PLAAT1: variants seen among roughly 807,000 people sequenced by gnomAD.
PLAAT1 encodes phospholipase A and acyltransferase 1, also known as H-REV107 protein-related protein.
Under a neutral mutation model 16.4 loss-of-function variants are expected in PLAAT1, and 13 were observed. The ratio of observed to expected loss-of-function variants is 0.79; its 90% CI spans 0.52 to 1.26. The LOEUF is 1.26. Ranked by LOEUF, PLAAT1 falls within the 50% of genes most tolerant of loss-of-function variation. PLAAT1 has a pLI of 0.00. For synonymous variants in PLAAT1, 73 were observed against 78.4 expected (o/e 0.93, Z 0.36); for missense variants, 218 against 207.8 (o/e 1.05, Z -0.30).
At chr3:193,252,897 T>C (rs1716242994) in intron 1 of PLAAT1, among the ~76,000 whole-genome samples, 1 of 151,928 alleles carries the variant, frequency 6.6e-6, no homozygotes, top group South Asian at 2.1e-4. Flanking sequence ...TAGGACTAGA[T>C]GGGTATCATT....
At chr3:193,255,210 T>C (rs183325687) in intron 1 of PLAAT1, among the ~76,000 whole-genome samples, 8 of 152,346 alleles carry the variant, frequency 5.3e-5, no homozygotes, top group Non-Finnish European at 1.5e-5. Context: ...AGTATAGTCA[T>C]AGACTGAACA....
downstream of PLAAT1, among the ~76,000 whole-genome samples, chr3:193,273,352 C>T (rs536152761): frequency 1.3e-5 from 2 of 152,072 alleles, no homozygotes; most frequent in Admixed American, 6.5e-5. Context: ...TTATTACTCT[C>T]CAGAGAGCTG....
chr3:193,252,753 A>G (rs1415886309), intron 1 of PLAAT1, among the ~76,000 whole-genome samples: 2 of 152,114 alleles, frequency 1.3e-5, no homozygotes, highest in Non-Finnish European at 2.9e-5. Context: ...AGGTTTGTTT[A>G]TTTGTTTGTC....
intron 1 of PLAAT1, among the ~76,000 whole-genome samples, chr3:193,254,947 A>G (rs899079715): frequency 6.6e-6 from 1 of 152,216 alleles, no homozygotes; most frequent in Non-Finnish European, 1.5e-5. Flanking sequence ...CTGGCTGGAC[A>G]TCCATCTGAG....
chr3:193,257,891 G>C (rs1716437366), intron 2 of PLAAT1, among the ~76,000 whole-genome samples: 1 of 152,116 alleles, frequency 6.6e-6, no homozygotes, highest in South Asian at 2.1e-4. Flanking sequence ...TTGAACATCC[G>C]ACTCCAAGTT....
At chr3:193,260,335 C>G (rs1716539346) in intron 2 of PLAAT1, among the ~76,000 whole-genome samples, 1 of 152,056 alleles carries the variant, frequency 6.6e-6, no homozygotes, top group African/African-American at 2.4e-5. Flanking sequence ...TGAATTGCAA[C>G]AAGAACAAAA....
chr3:193,266,769 G>T (rs1001828965), intron 3 of PLAAT1, among the ~76,000 whole-genome samples: 36 of 152,238 alleles, frequency 2.4e-4, no homozygotes, highest in Middle Eastern at 3.4e-3. Context: ...GAATTTTATA[G>T]ATCGTTGTTA....
At chr3:193,257,450 C>G (rs1021403780) in intron 2 of PLAAT1, among the ~76,000 whole-genome samples, 2 of 152,158 alleles carry the variant, frequency 1.3e-5, no homozygotes, top group Admixed American at 1.3e-4. Flanking sequence ...AAAGATTAAC[C>G]ACATGCTTAG....
At chr3:193,279,075 G>C (rs898077755), downstream of PLAAT1, among the ~76,000 whole-genome samples, 24 of 151,946 alleles carry the variant, frequency 1.6e-4, 2 homozygotes, top group Admixed American at 9.2e-4. Context: ...GAAAATTATT[G>C]TATTATTGCA....
In PLAAT1 at chr3:193,263,211, C is replaced by CT. The variant is rs1489884320; in HGVS notation, c.382dup (p.Tyr128LeufsTer17). On this transcript the variant is annotated frameshift_variant, in exon 3 of 4. Transcript: ENST00000264735. LOFTEE classifies it high-confidence loss of function. ...GTGAACATTTTGTGACATTGCTTCG[C>CT]TATGGAGAAGGAGTTTCAGAGCAGG... is the stretch of plus-strand genomic sequence containing the variant. 6.2e-7 allele frequency: 1 copy of CT among 1,614,014 alleles called. No individual in the cohort carries two copies. The highest frequency in any genetic ancestry group is 8.5e-7 in the Non-Finnish European group (1 of 1,179,928).
downstream of PLAAT1, chr3:193,279,577 T>C: frequency 1.4e-6 from 1 of 693,784 alleles, no homozygotes; most frequent in South Asian, 1.7e-5. Context: ...TGTTTTGATA[T>C]ATCCTCATAT....
chr3:193,265,821 T>A (rs1257560779), intron 3 of PLAAT1, among the ~76,000 whole-genome samples: 1 of 152,048 alleles, frequency 6.6e-6, no homozygotes, highest in African/African-American at 2.4e-5. Context: ...ACATAGAGGG[T>A]ACACACAAAT....
At chr3:193,249,623 C>T (rs1238020868) in intron 1 of PLAAT1, among the ~76,000 whole-genome samples, 1 of 152,066 alleles carries the variant, frequency 6.6e-6, no homozygotes, top group African/African-American at 2.4e-5. Context: ...TCTTGTACAA[C>T]AATAATTCAC....
intron 1 of PLAAT1, among the ~76,000 whole-genome samples, chr3:193,244,773 CCTTG>C (rs1715917507): frequency 6.6e-6 from 1 of 152,062 alleles, no homozygotes; most frequent in African/African-American, 2.4e-5. Flanking sequence ...GAGTATGCTA[CCTTG>C]CTAGCTTAGG....
downstream of PLAAT1, among the ~76,000 whole-genome samples, chr3:193,272,519 T>G (rs899131777): frequency 1.3e-5 from 2 of 152,148 alleles, no homozygotes; most frequent in African/African-American, 2.4e-5. Context: ...GGCAGTAGCA[T>G]AATGTGTTAC....
intron 2 of PLAAT1, chr3:193,277,514 C>T (rs1717276409): frequency 6.6e-6 from 1 of 152,256 alleles, no homozygotes; most frequent in African/African-American, 2.4e-5. Context: ...GCGTGTGGGA[C>T]TGAACTCCCT....
intron 3 of PLAAT1, among the ~76,000 whole-genome samples, chr3:193,268,704 A>G (rs1161336135): frequency 6.6e-6 from 1 of 152,200 alleles, no homozygotes; most frequent in African/African-American, 2.4e-5. Flanking sequence ...TTAAAGTGGC[A>G]CTGCTTAAAG....
At chr3:193,280,394 A>C (rs182165293), downstream of PLAAT1, among the ~76,000 whole-genome samples, 71 of 152,250 alleles carry the variant, frequency 4.7e-4, no homozygotes, top group African/African-American at 1.7e-3. Flanking sequence ...TCCTCTTCAA[A>C]GAGTAATACT....
In PLAAT1 at chr3:193,264,161, C is replaced by T. The variant is rs183780202; in HGVS notation, c.405+926C>T. 1.4e-3 allele frequency among the ~76,000 whole-genome samples: 210 copies of T among 152,232 alleles called. 2 individuals are homozygous for T. Among genetic ancestry groups the T allele is most frequent in the Admixed American group, 2.9e-3 (45 of 15,288 alleles). On this transcript the variant is annotated intron_variant, in intron 3 of 3. Coordinates refer to ENST00000264735, the MANE Select transcript of PLAAT1 (RefSeq NM_020386.5). ...AATAATTCACATTTATTGAAGACTT[C>T]CAGTATTTTGAAATGGTGGATCAGT...
Sources: allele counts gnomAD v4.1 joint callset (sites outside exome capture counted in the v4.1 genomes callset), GRCh38; gene constraint gnomAD v4.1.1; transcripts MANE v1.5; gene names NCBI Gene and HGNC (gene_info 2026-07-23, HGNC 2026-07-21).